Variants in SPECC1L observed in about 807,000 individuals in gnomAD.
SPECC1L encodes sperm antigen with calponin homology and coiled-coil domains 1 like.
Under a neutral mutation model 116.8 loss-of-function variants are expected in SPECC1L, and 40 were observed. The observed-to-expected ratio is 0.34, with a 90% CI of 0.27 to 0.45. SPECC1L has a LOEUF of 0.45. SPECC1L is among the 20% of genes least tolerant of loss of function. The pLI is 1.00. For synonymous variants in SPECC1L, 504 were observed against 500.6 expected (o/e 1.01, Z -0.09); for missense variants, 1,110 against 1,373.6 (o/e 0.81, Z 3.03).
chr22:24,398,083 T>C (rs368512344), intron 14 of SPECC1L, among the ~76,000 whole-genome samples: 5 of 152,250 alleles, frequency 3.3e-5, no homozygotes, highest in African/African-American at 1.2e-4. Context: ...AATTTGGGGG[T>C]ACTGGCTAGA....
intron 14 of SPECC1L, among the ~76,000 whole-genome samples, chr22:24,389,178 G>A (rs1250548054): frequency 1.4e-5 from 2 of 144,218 alleles, no homozygotes; most frequent in Non-Finnish European, 3.0e-5. Flanking sequence ...AGCCAATGGT[G>A]CGATCTTGGC....
intron 10 of SPECC1L, among the ~76,000 whole-genome samples, chr22:24,340,892 C>T (rs751740679): frequency 6.6e-6 from 1 of 152,090 alleles, no homozygotes; most frequent in Non-Finnish European, 1.5e-5. Context: ...GTGGGAGTAA[C>T]AGGCTGGATT....
intron 8 of SPECC1L, among the ~76,000 whole-genome samples, chr22:24,333,558 C>CT (rs200205936): frequency 3.7e-3 from 504 of 135,360 alleles, no homozygotes; most frequent in East Asian, 0.014. Context: ...TGGGTCTAGG[C>CT]TTTTTTTTTT....
At chr22:24,302,078 T>G in intron 2 of SPECC1L, 117 bp from the exon 3 acceptor site, 3 of 823,430 alleles carry the variant, frequency 3.6e-6, no homozygotes, top group Non-Finnish European at 5.8e-6. Context: ...TCAACTTTTC[T>G]GTAGTGACAT....
chr22:24,342,035 G>A (rs1186002424), intron 10 of SPECC1L, among the ~76,000 whole-genome samples: 1 of 152,242 alleles, frequency 6.6e-6, no homozygotes, highest in African/African-American at 2.4e-5. Context: ...CAGAAACTAT[G>A]AGATCATAAA....
intron 2 of SPECC1L, among the ~76,000 whole-genome samples, chr22:24,281,989 G>C (rs377530254): frequency 7.0e-4 from 106 of 152,378 alleles, no homozygotes; most frequent in African/African-American, 2.5e-3. Context: ...CATTTGAGGA[G>C]CAGAGTTTTT....
Position 24,322,725 on chromosome 22 carries a change from A to T in SPECC1L, c.1745A>T (p.Gln582Leu). Residue 582 changes from glutamine (Q) to leucine (L), a missense_variant, in exon 5 of 17, where the codon CAG (glutamine) becomes CTG (leucine). By Grantham distance (113) the Gln-to-Leu change is moderately radical. This residue lies in a region of SPECC1L where 575 missense variants were observed against 682.4 expected (regional missense o/e 0.84). Coordinates refer to ENST00000314328, the MANE Select transcript of SPECC1L (RefSeq NM_015330.6). ...DQIEMNRLKAQLENEKQKVAE... is the reference protein window; with the variant it reads ...DQIEMNRLKALLENEKQKVAE... Reference sequence around the variant, plus strand: ...ATAGAGATGAATCGCCTGAAGGCTCAGCTGGAGAATGAAAAGCAGAAAGTG... The same window carrying T: ...ATAGAGATGAATCGCCTGAAGGCTCTGCTGGAGAATGAAAAGCAGAAAGTG... 1 of 1,588,080 alleles carries T rather than the reference A, an allele frequency of 6.3e-7. No homozygotes were observed. Among genetic ancestry groups the T allele is most frequent in the Non-Finnish European group, 8.6e-7 (1 of 1,168,678 alleles).
intron 3 of SPECC1L, among the ~76,000 whole-genome samples, chr22:24,311,967 C>CT (rs1463149865): frequency 3.0e-5 from 3 of 98,602 alleles, no homozygotes; most frequent in African/African-American, 4.0e-5. Flanking sequence ...TTTTCTGCCT[C>CT]TTTTTTTGGG....
intron 2 of SPECC1L, among the ~76,000 whole-genome samples, chr22:24,285,150 C>T (rs1439299391): frequency 2.0e-5 from 3 of 152,088 alleles, no homozygotes; most frequent in Non-Finnish European, 4.4e-5. Context: ...CTGCTTAAGT[C>T]GGAGTGGAAG....
rs750621737 is a variant in SPECC1L, at chr22:24,302,315, T to G, written c.84T>G (p.Pro28=). 6.2e-7 allele frequency: 1 copy of G among 1,614,160 alleles called. No individual in the cohort carries two copies. The highest frequency in any genetic ancestry group is 1.7e-5 in the Admixed American group (1 of 60,020). The part of the protein sequence containing the change: ...SKTQTAEKIK[P]ENSSSASTGG... Reference sequence around the variant, plus strand: ...CGCAAACAGCAGAAAAAATTAAACCTGAAAACAGCTCTTCAGCATCTACGG... The same window carrying G: ...CGCAAACAGCAGAAAAAATTAAACCGGAAAACAGCTCTTCAGCATCTACGG... The change falls in exon 3 of 17, where the codon CCT becomes CCG. Residue 28 remains proline (P), a synonymous_variant. Transcript: ENST00000314328.
intron 2 of SPECC1L, among the ~76,000 whole-genome samples, chr22:24,288,379 G>A (rs2049086474): frequency 6.6e-6 from 1 of 152,034 alleles, no homozygotes; most frequent in South Asian, 2.1e-4. Context: ...AATGTGTACA[G>A]GAAGTGCCAA....
intron 10 of SPECC1L, among the ~76,000 whole-genome samples, chr22:24,346,316 T>A (rs2041294435): frequency 6.6e-6 from 1 of 152,222 alleles, no homozygotes; most frequent in Non-Finnish European, 1.5e-5. Context: ...TGGTGGATTC[T>A]TCTGGCTGCC....
intron 3 of SPECC1L, among the ~76,000 whole-genome samples, chr22:24,306,653 G>C (rs1038593172): frequency 6.6e-6 from 1 of 152,146 alleles, no homozygotes; most frequent in African/African-American, 2.4e-5. Context: ...TTTTAGGTGT[G>C]AGCCACTGTG....
chr22:24,410,123 C>T (rs1271238743), intron 14 of SPECC1L, among the ~76,000 whole-genome samples: 1 of 152,252 alleles, frequency 6.6e-6, no homozygotes, highest in African/African-American at 2.4e-5. Flanking sequence ...CAGATGATGA[C>T]ACCTTCAAGT....
At chr22:24,390,276 G>A (rs547915310) in intron 14 of SPECC1L, among the ~76,000 whole-genome samples, 5 of 152,142 alleles carry the variant, frequency 3.3e-5, no homozygotes, top group East Asian at 1.9e-4. Flanking sequence ...CTGGGCTAGG[G>A]GTGTGTGGCA....
chr22:24,303,777 C>G (rs2049431117), intron 3 of SPECC1L, among the ~76,000 whole-genome samples: 1 of 152,128 alleles, frequency 6.6e-6, no homozygotes, highest in African/African-American at 2.4e-5. Flanking sequence ...AAACTGTACA[C>G]TTACTCTTGC....
At chr22:24,289,360 T>C (rs184350627) in intron 2 of SPECC1L, among the ~76,000 whole-genome samples, 10 of 152,352 alleles carry the variant, frequency 6.6e-5, no homozygotes, top group African/African-American at 2.4e-4. Flanking sequence ...TTGTCTGGAA[T>C]GTTAAGTGTT....
intron 6 of SPECC1L, among the ~76,000 whole-genome samples, chr22:24,327,740 T>G (rs2040859261): frequency 6.6e-6 from 1 of 152,254 alleles, no homozygotes. Context: ...TTATTCCATT[T>G]TAAAGATACC....
intron 2 of SPECC1L, among the ~76,000 whole-genome samples, chr22:24,292,469 ACT>A (rs1313546508): frequency 1.3e-5 from 2 of 152,066 alleles, no homozygotes; most frequent in Non-Finnish European, 2.9e-5. Flanking sequence ...TTTTACAAGA[ACT>A]CTATAAACTA....
Sources: allele counts gnomAD v4.1 joint callset (sites outside exome capture counted in the v4.1 genomes callset), GRCh38; gene constraint gnomAD v4.1.1; regional missense constraint gnomAD v4.1.1; transcripts MANE v1.5; gene names NCBI Gene and HGNC (gene_info 2026-07-23, HGNC 2026-07-21).